Variants in GLYR1 observed in about 807,000 individuals in gnomAD.
GLYR1 encodes the protein cytokine-like nuclear factor N-PAC.
In GLYR1, 21 loss-of-function variants were observed where a neutral mutation model predicts 72.7. The ratio of observed to expected loss-of-function variants is 0.29; its 90% CI spans 0.20 to 0.42. GLYR1 has a LOEUF of 0.42. GLYR1 is among the 10% of genes least tolerant of loss of function. The pLI, the probability that GLYR1 is intolerant of heterozygous loss-of-function variation, is 1.00. For synonymous variants in GLYR1, 392 were observed against 270.2 expected (o/e 1.45, Z -4.42); for missense variants, 594 against 712.1 (o/e 0.83, Z 1.89).
chr16:4,843,017 C>G (rs943773943), intron 3 of GLYR1, among the ~76,000 whole-genome samples: 3 of 152,148 alleles, frequency 2.0e-5, no homozygotes, highest in African/African-American at 7.2e-5. Flanking sequence ...TGCACATCAT[C>G]TTATCTGAAA....
chr16:4,827,318 C>T (rs78677897), intron 5 of GLYR1, among the ~76,000 whole-genome samples: 222 of 152,276 alleles, frequency 1.5e-3, no homozygotes, highest in African/African-American at 4.6e-3. Flanking sequence ...CGGGATGTAT[C>T]GCATTTAAAA....
intron 5 of GLYR1, among the ~76,000 whole-genome samples, chr16:4,829,600 T>A (rs2084655189): frequency 6.6e-6 from 1 of 151,922 alleles, no homozygotes; most frequent in East Asian, 1.9e-4. Context: ...GATCTTCTCA[T>A]CTCAGCTTTC....
intron 5 of GLYR1, among the ~76,000 whole-genome samples, chr16:4,829,913 A>T (rs2084677534): frequency 6.6e-6 from 1 of 151,944 alleles, no homozygotes; most frequent in African/African-American, 2.4e-5. Context: ...CCTGAGGTGA[A>T]CCACCTGCCT....
chr16:4,821,320 C>A, intron 9 of GLYR1, 60 bp downstream of exon 9: 2 of 1,569,822 alleles, frequency 1.3e-6, no homozygotes, highest in Admixed American at 1.7e-5. Context: ...CCTGGGGTCA[C>A]CTTCTCCCCA....
chr16:4,817,649 G>C lies in GLYR1; in HGVS notation c.855C>G (p.Asn285Lys), dbSNP rs935592363. Residue 285 changes from asparagine (N) to lysine (K), a missense_variant, in exon 10 of 16, where the codon AAC (asparagine) becomes AAG (lysine). By Grantham distance (94) the Asn-to-Lys change is moderately conservative. This residue lies in a region of GLYR1 where 266 missense variants were observed against 358.4 expected (regional missense o/e 0.74). Transcript: ENST00000321919. ...TCACTGTGTGACCCATTTTTAGCAAGTTGGAGACGATTCCACTTCCCATGA... is the reference window on the plus strand; with the variant it reads ...TCACTGTGTGACCCATTTTTAGCAACTTGGAGACGATTCCACTTCCCATGA... ...LGLMGSGIVS[N>K]LLKMGHTVTV... The C allele has an allele frequency of 6.2e-7, 1 of 1,613,810 alleles. No homozygotes were observed. Among genetic ancestry groups the C allele is most frequent in the African/African-American group, 1.3e-5 (1 of 75,032 alleles).
At chr16:4,825,557 T>C (rs762683524) in intron 5 of GLYR1, among the ~76,000 whole-genome samples, 8 of 152,262 alleles carry the variant, frequency 5.3e-5, no homozygotes, top group African/African-American at 1.7e-4. Context: ...AATGCCTTCA[T>C]AGGGCTTACT....
intron 3 of GLYR1, among the ~76,000 whole-genome samples, chr16:4,841,235 G>T (rs770549664): frequency 6.6e-6 from 1 of 151,934 alleles, no homozygotes; most frequent in Non-Finnish European, 1.5e-5. Context: ...GTTAAGCTCT[G>T]AAATTAACTC....
Position 4,834,549 on chromosome 16 carries a change from G to A in GLYR1, c.156-1637C>T, listed in dbSNP as rs1227602213. On this transcript the variant is annotated intron_variant, in intron 3 of 15. Coordinates refer to ENST00000321919, the MANE Select transcript of GLYR1 (RefSeq NM_032569.4). ...ACGATCTTAGCTAACTGCGACCTCC[G>A]CCTCCACCTCCCAGGTTCAAGCAAT... Among the ~76,000 whole-genome samples, 6 of 151,404 alleles carry A rather than the reference G, an allele frequency of 4.0e-5. No homozygotes were observed. In the East Asian group the frequency reaches 9.8e-4, roughly 25 times the overall value.
intron 3 of GLYR1, among the ~76,000 whole-genome samples, chr16:4,842,518 G>GA (rs879388643): frequency 6.7e-5 from 10 of 149,470 alleles, no homozygotes; most frequent in East Asian, 2.0e-4. Flanking sequence ...CCTGGCTATT[G>GA]AAAAAAAAAA....
At chr16:4,821,481 G>C (rs753441996) in intron 8 of GLYR1, 28 bp from the exon 9 acceptor site, 1 of 1,613,978 alleles carries the variant, frequency 6.2e-7, no homozygotes, top group African/African-American at 1.3e-5. Flanking sequence ...ACATCATCAA[G>C]TCAGTCTGCC....
Position 4,846,227 on chromosome 16 carries a change from G to A in GLYR1, c.39-17C>T. The A allele has an allele frequency of 1.2e-6, 2 of 1,613,630 alleles. No individual in the cohort carries two copies. The highest frequency in any genetic ancestry group is 1.7e-6 in the Non-Finnish European group (2 of 1,179,770). ...AGTTTCCCCCTAGAGAAAACACAAA[G>A]AGTCAACACTTGCCCTGCAAAAGCC... On this transcript the variant is annotated splice_polypyrimidine_tract_variant and intron_variant, in intron 1 of 15. Transcript: ENST00000321919.
rs1596288547 is a variant in GLYR1 at position 4,804,855 on chromosome 16, G to C, written c.*381C>G. 1 of 243,246 alleles carries C rather than the reference G, an allele frequency of 4.1e-6. No homozygotes were observed. The highest frequency in any genetic ancestry group is 7.9e-5 in the East Asian group (1 of 12,584). The allele number at this position is 243,246 out of a possible 1,614,324, so 15.1% of individuals were successfully genotyped here. A position where few individuals can be genotyped will look rare whatever the true frequency, so the allele number is the denominator to read the frequency against. Reference sequence around the variant, plus strand: ...CTGATTCTAGTTCCTTGACTGGAAGGGGTTTGAGATAAGACAAGCTCGGAA... The same window carrying C: ...CTGATTCTAGTTCCTTGACTGGAAGCGGTTTGAGATAAGACAAGCTCGGAA... On this transcript the variant is annotated 3_prime_UTR_variant, in exon 16 of 16. Transcript: ENST00000321919.
At chr16:4,843,433 G>A (rs1363487967) in intron 3 of GLYR1, 29 of 1,200,902 alleles carry the variant, frequency 2.4e-5, no homozygotes, top group Non-Finnish European at 2.9e-5. Flanking sequence ...GGGATTGCAG[G>A]CCTGAGGCAC....
chr16:4,810,699 T>TAA (rs551202037), intron 15 of GLYR1, among the ~76,000 whole-genome samples: 1,821 of 21,774 alleles, frequency 0.084, 491 homozygotes, highest in Middle Eastern at 0.12. Context: ...CTGTCTCTAC[T>TAA]AAAAAAAAAA....
intron 15 of GLYR1, among the ~76,000 whole-genome samples, chr16:4,808,235 C>CAAA (rs57992836): frequency 3.4e-4 from 28 of 81,354 alleles, no homozygotes; most frequent in African/African-American, 7.9e-4. Context: ...GACTCTGTCT[C>CAAA]AAAAAAAAAA....
At position 4,832,846 on chromosome 16, in the gene GLYR1, G is replaced by C; in HGVS notation, c.222C>G (p.Asn74Lys). The C allele has an allele frequency of 1.2e-6, 2 of 1,613,498 alleles. No individual in the cohort carries two copies. Among genetic ancestry groups the C allele is most frequent in the Non-Finnish European group, 1.7e-6 (2 of 1,179,750 alleles). Reference protein sequence around the residue: ...HAHKEEMIKINKGKRFQQAVD... With the variant: ...HAHKEEMIKIKKGKRFQQAVD... Reference sequence around the variant, plus strand: ...CCGCTTGCTGGAATCGTTTACCCTTGTTAATTTTTATCATTTCCTCTTTAT... The same window carrying C: ...CCGCTTGCTGGAATCGTTTACCCTTCTTAATTTTTATCATTTCCTCTTTAT... Residue 74 changes from asparagine to lysine, a missense_variant, in exon 4 of 16, where the codon AAC (asparagine) becomes AAG (lysine). Asn to Lys is a moderately conservative substitution (Grantham distance 94, BLOSUM62 0). Coordinates refer to ENST00000321919, the MANE Select transcript of GLYR1 (RefSeq NM_032569.4).
intron 15 of GLYR1, among the ~76,000 whole-genome samples, chr16:4,809,960 A>G (rs1445202544): frequency 6.6e-6 from 1 of 151,896 alleles, no homozygotes. Context: ...AAAAAACAAA[A>G]AAAACCCAAT....
At chr16:4,810,045 C>G (rs1034665039) in intron 15 of GLYR1, among the ~76,000 whole-genome samples, 9 of 151,926 alleles carry the variant, frequency 5.9e-5, no homozygotes. Flanking sequence ...TAGGAAAACC[C>G]AAACACTAGA....
At chr16:4,823,778 G>T in intron 6 of GLYR1, 43 bp downstream of exon 6, 2 of 1,249,634 alleles carry the variant, frequency 1.6e-6, no homozygotes, top group Non-Finnish European at 2.3e-6. Context: ...CAGGAACCTC[G>T]CCCTAAGCCA....
Sources: gnomAD v4.1 joint callset for allele counts (sites outside exome capture counted in the v4.1 genomes callset) on GRCh38, gnomAD v4.1.1 for gene constraint, gnomAD v4.1.1 regional missense constraint, MANE v1.5 for transcripts, NCBI Gene and HGNC (gene_info 2026-07-23, HGNC 2026-07-21) for gene names.